GPR20: variants seen among roughly 807,000 people sequenced by gnomAD.
GPR20 encodes CTD-3064M3.3.
For missense variants in GPR20, 494 were observed against 527.4 expected, an observed-to-expected ratio of 0.94 and a Z score of 0.62; for synonymous variants, 241 against 241.9, an observed-to-expected ratio of 1.00 and a Z score of 0.04.
At chr8:141,366,469 C>T (rs1423106873) in intron 1 of GPR20, among the ~76,000 whole-genome samples, 1 of 152,226 alleles carries the variant, frequency 6.6e-6, no homozygotes, top group African/African-American at 2.4e-5. Context: ...CCCCTCGGGA[C>T]CCTGTCCTGC....
Position 141,362,004 on chromosome 8 carries a change from G to T in GPR20, c.-24-4057C>A, listed in dbSNP as rs114562667. Among the ~76,000 whole-genome samples, 549 of 152,318 alleles carry T rather than the reference G, an allele frequency of 3.6e-3. 7 individuals are homozygous for T. Among genetic ancestry groups the T allele is most frequent in the African/African-American group, 0.013 (530 of 41,568 alleles). ...GTAGGTATCACATCACAAAACAGCC[G>T]TCCTAGGCGGGGCTGCCGCTGGGTT... is the stretch of plus-strand genomic sequence containing the variant. On this transcript the variant is annotated intron_variant, in intron 1 of 1. Coordinates refer to ENST00000377741, the MANE Select transcript of GPR20 (RefSeq NM_005293.3).
intron 1 of GPR20, among the ~76,000 whole-genome samples, chr8:141,363,915 G>A (rs1831776924): frequency 6.6e-6 from 1 of 152,254 alleles, no homozygotes; most frequent in African/African-American, 2.4e-5. Flanking sequence ...GTCTGTGGAC[G>A]TGTGGAGGAC....
intron 1 of GPR20, among the ~76,000 whole-genome samples, chr8:141,366,568 C>T (rs1456902045): frequency 6.6e-6 from 1 of 152,232 alleles, no homozygotes; most frequent in Non-Finnish European, 1.5e-5. Flanking sequence ...GCAAGCCTTC[C>T]CTGGGACTCA....
At chr8:141,359,883 A>C (rs1250603744) in intron 1 of GPR20, among the ~76,000 whole-genome samples, 1 of 152,232 alleles carries the variant, frequency 6.6e-6, no homozygotes, top group East Asian at 1.9e-4. Context: ...CATGGCCAAA[A>C]AAGTATTTTG....
In GPR20 at chr8:141,357,622, A is replaced by G; in HGVS notation, c.302T>C (p.Leu101Pro). ...YTINLVVTDL[L>P]VGLSLPTRFA... ...GCGCGTGGGCAGGGACAGCCCTACC[A>G]GTAGATCGGTCACCACCAGGTTGAT... The change falls in exon 2 of 2, where the codon CTG (leucine) becomes CCG (proline). Residue 101 changes from leucine to proline, a missense_variant. Transcript: ENST00000377741. 1 of 1,614,004 alleles carries G rather than the reference A, an allele frequency of 6.2e-7. No homozygotes were observed. Among genetic ancestry groups the G allele is most frequent in the Non-Finnish European group, 8.5e-7 (1 of 1,180,022 alleles).
intron 1 of GPR20, among the ~76,000 whole-genome samples, chr8:141,363,414 G>A (rs548966069): frequency 2.6e-5 from 4 of 152,248 alleles, no homozygotes; most frequent in African/African-American, 9.6e-5. Context: ...CACGGTCCTG[G>A]GAACTTCCAA....
chr8:141,357,050 T>C lies in GPR20; in HGVS notation c.874A>G (p.Met292Val), dbSNP rs772111325. ...AVTLSSLNSC[M>V]DPIVYCFVTS... ...ACGAAGCAGTAGACGATGGGGTCCA[T>C]GCAGCTGTTGAGGCTGCTGAGGGTC... is the stretch of plus-strand genomic sequence containing the variant. Residue 292 changes from methionine (M) to valine (V), a missense_variant, in exon 2 of 2, where the codon ATG (methionine) becomes GTG (valine). By Grantham distance (21) the Met-to-Val change is conservative. Coordinates refer to ENST00000377741, the MANE Select transcript of GPR20 (RefSeq NM_005293.3). 6.2e-7 allele frequency: 1 copy of C among 1,612,798 alleles called. No homozygotes were observed. Among genetic ancestry groups the C allele is most frequent in the Admixed American group, 1.7e-5 (1 of 60,016 alleles).
Position 141,356,690 on chromosome 8 carries a change from A to G in GPR20, c.*157T>C. ...AGCCAGTGGCAGACATTGCTAATCA[A>G]CCACAGCACAGTGGCCTTAGACGCT... On this transcript the variant is annotated 3_prime_UTR_variant, in exon 2 of 2. Coordinates refer to ENST00000377741, the MANE Select transcript of GPR20 (RefSeq NM_005293.3). The G allele has an allele frequency of 1.8e-6, 1 of 551,728 alleles. No homozygotes were observed. Among genetic ancestry groups the G allele is most frequent in the Non-Finnish European group, 3.2e-6 (1 of 316,832 alleles). 34.2% of individuals were successfully genotyped at this position (551,728 alleles called of 1,614,324 possible).
chr8:141,363,720 C>T (rs2154616638), intron 1 of GPR20, among the ~76,000 whole-genome samples: 1 of 152,374 alleles, frequency 6.6e-6, no homozygotes, highest in Admixed American at 6.5e-5. Context: ...GTCCTCTCTT[C>T]CCTGGGCTCC....
At chr8:141,366,382 C>T (rs1831813732) in intron 1 of GPR20, among the ~76,000 whole-genome samples, 1 of 152,006 alleles carries the variant, frequency 6.6e-6, no homozygotes, top group Non-Finnish European at 1.5e-5. Flanking sequence ...GGTGCATTCC[C>T]CGTCCTGCGA....
At chr8:141,361,334 G>T (rs1831731583) in intron 1 of GPR20, among the ~76,000 whole-genome samples, 3 of 152,248 alleles carry the variant, frequency 2.0e-5, no homozygotes, top group Admixed American at 2.0e-4. Context: ...GGGACCTGGA[G>T]TGTGGCCATG....
chr8:141,363,789 C>T lies in GPR20; in HGVS notation c.-25+3412G>A, dbSNP rs565271513. Among the ~76,000 whole-genome samples the T allele has an allele frequency of 1.8e-4, 27 of 152,366 alleles. 1 individual carries two copies. Among genetic ancestry groups the T allele is most frequent in the Admixed American group, 1.6e-3 (25 of 15,314 alleles). On this transcript the variant is annotated intron_variant, in intron 1 of 1. Transcript: ENST00000377741. The stretch of plus-strand genomic sequence containing the variant: ...TCTTGGCTGCCCAGCAGCCTGTCTG[C>T]CTCTGTCCTGCCACATGTGAGACCA...
intron 1 of GPR20, among the ~76,000 whole-genome samples, chr8:141,360,479 C>T (rs547887446): frequency 2.8e-4 from 42 of 152,348 alleles, no homozygotes; most frequent in Admixed American, 5.9e-4. Flanking sequence ...CTCCCAGCTT[C>T]GTCTGGCTGT....
In GPR20 at chr8:141,357,521, G is replaced by A; in HGVS notation, c.403C>T (p.His135Tyr). 1 of 1,613,638 alleles carries A rather than the reference G, an allele frequency of 6.2e-7. No individual in the cohort carries two copies. The highest frequency in any genetic ancestry group is 8.5e-7 in the Non-Finnish European group (1 of 1,179,992). Residue 135 changes from histidine (H) to tyrosine (Y), a missense_variant, in exon 2 of 2, where the codon CAC becomes TAC. Transcript: ENST00000377741. ...PHVLGYFLNM[H>Y]CSILFLTCIC... The stretch of plus-strand genomic sequence containing the variant: ...CAGGTGAGGAAGAGGATGGAGCAGT[G>A]CATGTTGAGGAAGTAACCGAGGACG...
intron 1 of GPR20, among the ~76,000 whole-genome samples, chr8:141,359,568 C>T (rs557062556): frequency 1.5e-4 from 23 of 152,340 alleles, no homozygotes; most frequent in Non-Finnish European, 2.9e-4. Context: ...CAGCTCCCCC[C>T]GACTGCAAGC....
intron 1 of GPR20, among the ~76,000 whole-genome samples, chr8:141,360,440 G>C (rs565687138): frequency 1.3e-5 from 2 of 152,316 alleles, no homozygotes; most frequent in East Asian, 3.9e-4. Flanking sequence ...CCCTCAGCCC[G>C]GACCTTCTGT....
chr8:141,364,722 C>T (rs2154616659), intron 1 of GPR20, among the ~76,000 whole-genome samples: 1 of 151,330 alleles, frequency 6.6e-6, no homozygotes. Flanking sequence ...GGGGCATAGC[C>T]AGTTGGAGGT....
At chr8:141,362,401 G>T (rs2154616617) in intron 1 of GPR20, among the ~76,000 whole-genome samples, 1 of 152,294 alleles carries the variant, frequency 6.6e-6, no homozygotes, top group African/African-American at 2.4e-5. Context: ...CGGGGCTGTG[G>T]GTGGGGGCTG....
At chr8:141,359,624 A>G (rs1032021747) in intron 1 of GPR20, among the ~76,000 whole-genome samples, 1 of 152,154 alleles carries the variant, frequency 6.6e-6, no homozygotes, top group African/African-American at 2.4e-5. Context: ...TGATGGGTGC[A>G]TTTGTTGGAT....
Sources: gnomAD v4.1 joint callset for allele counts (sites outside exome capture counted in the v4.1 genomes callset) on GRCh38, gnomAD v4.1.1 for gene constraint, MANE v1.5 for transcripts, NCBI Gene and HGNC (gene_info 2026-07-23, HGNC 2026-07-21) for gene names.